The following IQGAP3 variants were observed in gnomAD, a reference collection of about 807,000 sequenced individuals.
IQGAP3 encodes the protein ras GTPase-activating-like protein IQGAP3.
IQGAP3 carries 165 observed loss-of-function variants against 208.2 expected under a neutral mutation model. The observed-to-expected ratio is 0.79, with a 90% CI of 0.70 to 0.90. The LOEUF is 0.90. IQGAP3 is among the 40% of genes least tolerant of loss of function. IQGAP3 has a pLI of 0.00. For missense variants in IQGAP3, 1,811 were observed against 2,043.1 expected (o/e 0.89, Z 2.19); for synonymous variants, 703 against 803.6 (o/e 0.87, Z 2.12).
At chr1:156,560,555 A>C (rs1676102310) in intron 11 of IQGAP3, among the ~76,000 whole-genome samples, 1 of 152,220 alleles carries the variant, frequency 6.6e-6, no homozygotes, top group Non-Finnish European at 1.5e-5. Context: ...TTTGTATATA[A>C]TGTTTTTAAG....
chr1:156,548,267 T>G (rs559123147), intron 18 of IQGAP3, 24 bp from the exon 19 acceptor site: 1 of 1,610,698 alleles, frequency 6.2e-7, no homozygotes, highest in East Asian at 2.2e-5. Context: ...AGAGAGACGC[T>G]GTGGTCTTTT....
chr1:156,547,430 C>G (rs1042869255), intron 19 of IQGAP3, among the ~76,000 whole-genome samples: 1 of 148,898 alleles, frequency 6.7e-6, no homozygotes, highest in Admixed American at 6.7e-5. Context: ...CACACAGACA[C>G]ACACACATTT....
In IQGAP3 at chr1:156,534,633, G is replaced by A. The variant is rs769106341; in HGVS notation, c.3608C>T (p.Ala1203Val). 6.8e-6 allele frequency: 11 copies of A among 1,611,666 alleles called. No homozygotes were observed. Among genetic ancestry groups the A allele is most frequent in the African/African-American group, 6.7e-5 (5 of 74,828 alleles). ...VAMAAGGALA[A>V]PQRHALGAVA... ...AGCCCCCAGGGCATGGCGCTGGGGG[G>A]CAGCCAGGGCTCCACCAGCTGCCAT... The change falls in exon 29 of 38, where the codon GCC becomes GTC. Residue 1203 changes from alanine to valine, a missense_variant. Coordinates refer to ENST00000361170, the MANE Select transcript of IQGAP3 (RefSeq NM_178229.5).
chr1:156,529,169 T>C, intron 34 of IQGAP3, 87 bp from the exon 35 acceptor site: 1 of 1,366,442 alleles, frequency 7.3e-7, no homozygotes. Context: ...AGCTACACAC[T>C]GTGAGGCTCT....
At position 156,529,053 on chromosome 1, in the gene IQGAP3, G is replaced by A; in HGVS notation, c.4434C>T (p.His1478=). The A allele has an allele frequency of 6.2e-7, 1 of 1,614,202 alleles. No individual in the cohort carries two copies. Among genetic ancestry groups the A allele is most frequent in the Middle Eastern group, 1.7e-4 (1 of 6,058 alleles). The change falls in exon 35 of 38, where the codon CAC becomes CAT. Residue 1478 remains histidine, a synonymous_variant. Transcript: ENST00000361170. ...GCTTCACCAGCTCTGCCTTCCGCCT[G>A]TGCCTGTGTCTGTGCTGGTTGCGGA... The part of the protein sequence containing the change: ...KDIRNQHRHR[H]RRKAELVKLQ...
At position 156,535,307 on chromosome 1, in the gene IQGAP3, A is replaced by T; in HGVS notation, c.3423-60T>A. 5 of 1,234,952 alleles carry T rather than the reference A, an allele frequency of 4.0e-6. 1 individual carries two copies. In the Middle Eastern group the frequency reaches 1.0e-3, roughly 251 times the overall value. The allele number at this position is 1,234,952 out of a possible 1,614,324, so 76.5% of individuals were successfully genotyped here. On this transcript the variant is annotated intron_variant, in intron 27 of 37. Transcript: ENST00000361170. The stretch of plus-strand genomic sequence containing the variant: ...CTCTGCCCATCTCTCTCTGCCAGAG[A>T]TAAGAGCTTGAGTGCCTGGCTGTCT...
intron 33 of IQGAP3, among the ~76,000 whole-genome samples, chr1:156,530,527 T>A (rs1164478846): frequency 2.0e-5 from 3 of 152,168 alleles, no homozygotes; most frequent in Admixed American, 2.0e-4. Flanking sequence ...CCATAATGCA[T>A]GGTGTCACAC....
At chr1:156,562,054 T>A in intron 9 of IQGAP3, 53 bp from the exon 10 acceptor site, 1 of 1,478,964 alleles carries the variant, frequency 6.8e-7, no homozygotes, top group Non-Finnish European at 9.2e-7. Flanking sequence ...CCTCTCATAA[T>A]CCCCTAGTCC....
At chr1:156,572,392 A>G (rs1461513451) in intron 1 of IQGAP3, 101 bp downstream of exon 1, 1 of 1,312,150 alleles carries the variant, frequency 7.6e-7, no homozygotes, top group African/African-American at 1.4e-5. Context: ...CTCGCCCCTC[A>G]GGCTTCACGC....
intron 29 of IQGAP3, among the ~76,000 whole-genome samples, 174 bp downstream of exon 29, chr1:156,534,327 A>G (rs1236775410): frequency 6.6e-6 from 1 of 152,094 alleles, no homozygotes; most frequent in East Asian, 1.9e-4. Context: ...CTCTCTTAAT[A>G]GTCTCCTTTT....
At chr1:156,568,983 AC>A (rs570227799) in intron 2 of IQGAP3, among the ~76,000 whole-genome samples, 237 of 152,306 alleles carry the variant, frequency 1.6e-3, no homozygotes, top group African/African-American at 5.4e-3. Context: ...AAGAAGACAT[AC>A]AAGCAGATGT....
At chr1:156,564,234 C>G (rs1295041764) in intron 5 of IQGAP3, among the ~76,000 whole-genome samples, 2 of 152,286 alleles carry the variant, frequency 1.3e-5, no homozygotes, top group South Asian at 2.1e-4. Flanking sequence ...TGTGATTTAG[C>G]CAACTGGTTG....
At chr1:156,537,795 C>T (rs1233826488) in intron 26 of IQGAP3, among the ~76,000 whole-genome samples, 1 of 152,164 alleles carries the variant, frequency 6.6e-6, no homozygotes, top group Non-Finnish European at 1.5e-5. Context: ...ATAAGGGCAA[C>T]CTATCTCTCC....
At chr1:156,552,818 A>G (rs1675618472) in intron 13 of IQGAP3, among the ~76,000 whole-genome samples, 1 of 152,274 alleles carries the variant, frequency 6.6e-6, no homozygotes, top group Non-Finnish European at 1.5e-5. Flanking sequence ...TCATGCCTGT[A>G]ATTCCAACAC....
In IQGAP3 at chr1:156,534,485, G is replaced by C. The variant is rs751534382; in HGVS notation, c.3740+16C>G. ...AAGAGGGAAGAAAGGGGACAGAGAG[G>C]AAAGGGACCCAAGACCTGAACTTGA... is the stretch of plus-strand genomic sequence containing the variant. On this transcript the variant is annotated intron_variant, in intron 29 of 37. Coordinates refer to ENST00000361170, the MANE Select transcript of IQGAP3 (RefSeq NM_178229.5). 3.3e-6 allele frequency: 5 copies of C among 1,526,534 alleles called. No individual in the cohort carries two copies. Among genetic ancestry groups the C allele is most frequent in the South Asian group, 1.3e-5 (1 of 79,796 alleles). 94.6% of individuals were successfully genotyped at this position (1,526,534 alleles called of 1,614,324 possible).
At chr1:156,550,129 A>G in intron 16 of IQGAP3, 132 bp downstream of exon 16, 1 of 653,252 alleles carries the variant, frequency 1.5e-6, no homozygotes. Flanking sequence ...TCCTGCTCTG[A>G]CTCTGGCCTG....
chr1:156,548,832 C>T, intron 16 of IQGAP3, 84 bp from the exon 17 acceptor site: 2 of 1,339,802 alleles, frequency 1.5e-6, no homozygotes, highest in South Asian at 3.5e-5. Context: ...GGGACAGATT[C>T]CATGAAAGAG....
chr1:156,563,496 TG>T, intron 7 of IQGAP3, 56 bp downstream of exon 7: 1 of 1,464,220 alleles, frequency 6.8e-7, no homozygotes. Context: ...CTGTGAGGCT[TG>T]GAGCCCTCCC....
Position 156,544,967 on chromosome 1 carries a change from C to T in IQGAP3, c.2305-495G>A, listed in dbSNP as rs75098107. ...CAGTTGTGTGGATGAGAAGTGTGTA[C>T]AGGCACAGAGCCGTGTGCTCACCAT... On this transcript the variant is annotated intron_variant, in intron 19 of 37. Coordinates refer to ENST00000361170, the MANE Select transcript of IQGAP3 (RefSeq NM_178229.5). 4.3e-3 allele frequency among the ~76,000 whole-genome samples: 652 copies of T among 152,328 alleles called. 5 individuals carry two copies. Among genetic ancestry groups the T allele is most frequent in the Middle Eastern group, 0.014 (4 of 294 alleles).
Sources: allele counts gnomAD v4.1 joint callset (sites outside exome capture counted in the v4.1 genomes callset), GRCh38; gene constraint gnomAD v4.1.1; transcripts MANE v1.5; gene names NCBI Gene and HGNC (gene_info 2026-07-23, HGNC 2026-07-21).